The following NEXMIF variants were observed in gnomAD, a reference collection of about 807,000 sequenced individuals.
The protein encoded by NEXMIF is neurite extension and migration factor.
NEXMIF carries 8 observed loss-of-function variants against 62.1 expected under a neutral mutation model. That is an observed-to-expected ratio of 0.13 (90% confidence interval 0.08 to 0.23). NEXMIF has a LOEUF of 0.23. NEXMIF is among the 10% of genes least tolerant of loss of function. The pLI is 1.00. For missense variants in NEXMIF, 976 were observed against 1,113.3 expected (o/e 0.88, Z 1.75); for synonymous variants, 404 against 416.6 (o/e 0.97, Z 0.37).
chrX:74,868,630 G>T (rs1473398544), intron 1 of NEXMIF, among the ~76,000 whole-genome samples: 1 of 104,444 alleles, frequency 9.6e-6, no homozygotes, highest in Admixed American at 1.1e-4. Context: ...CTGTTGGGGG[G>T]TGGGGGGGAA....
At chrX:74,759,940 A>G in intron 1 of NEXMIF, among the ~76,000 whole-genome samples, 1 of 111,751 alleles carries the variant, frequency 8.9e-6, no homozygotes, top group East Asian at 2.8e-4. Context: ...GTCCTTGGTA[A>G]TTTGATAGGA....
intron 1 of NEXMIF, among the ~76,000 whole-genome samples, chrX:74,827,002 G>A (rs1203033059): frequency 9.0e-6 from 1 of 111,694 alleles, no homozygotes; most frequent in African/African-American, 3.3e-5. Context: ...TGCCAAGAAA[G>A]CTAAGTCACA....
At chrX:74,794,458 A>C (rs1233163475) in intron 1 of NEXMIF, among the ~76,000 whole-genome samples, 3 of 110,997 alleles carry the variant, frequency 2.7e-5, no homozygotes, top group Admixed American at 9.5e-5. Context: ...CCAGAGGTGG[A>C]GCCTACAGAG....
At chrX:74,798,959 T>G (rs868396096) in intron 1 of NEXMIF, among the ~76,000 whole-genome samples, 1 of 90,201 alleles carries the variant, frequency 1.1e-5, no homozygotes, top group African/African-American at 4.1e-5. Context: ...GAAAAAGGAA[T>G]AAAGTAAAAA....
Position 74,884,508 on chromosome X carries a change from A to G in NEXMIF, c.-48+40375T>C, listed in dbSNP as rs758984438. On this transcript the variant is annotated intron_variant, in intron 1 of 3. Coordinates refer to ENST00000055682, the MANE Select transcript of NEXMIF (RefSeq NM_001008537.3). ...AGGGGTTGCAATCCTAGTCTCTGATAAAACAAACTTTAAACCAACAAAGAT... is the reference window on the plus strand; with the variant it reads ...AGGGGTTGCAATCCTAGTCTCTGATGAAACAAACTTTAAACCAACAAAGAT... 9.8e-5 allele frequency among the ~76,000 whole-genome samples: 11 copies of G among 111,928 alleles called. No homozygotes were observed. The South Asian group carries it at 4.1e-3, about 42-fold the overall frequency.
intron 1 of NEXMIF, among the ~76,000 whole-genome samples, chrX:74,798,567 C>T (rs1347435095): frequency 8.9e-6 from 1 of 112,224 alleles, no homozygotes; most frequent in Non-Finnish European, 1.9e-5. Flanking sequence ...ACATTTGGGC[C>T]TAGCTACTAT....
chrX:74,901,160 A>T (rs991851257), intron 1 of NEXMIF, among the ~76,000 whole-genome samples: 3 of 112,250 alleles, frequency 2.7e-5, no homozygotes, highest in Non-Finnish European at 1.9e-5. Flanking sequence ...GGTAAATTTT[A>T]TGTGTATTTT....
Position 74,733,685 on chromosome X carries a change from GAAC to G in NEXMIF, c.*5717_*5719del, listed in dbSNP as rs2080078356. On this transcript the variant is annotated 3_prime_UTR_variant, in exon 4 of 4. Coordinates refer to ENST00000055682, the MANE Select transcript of NEXMIF (RefSeq NM_001008537.3). ...CAAATATTTGAAACCTTCGCAACAA[GAAC>G]AACAAAACCAGAAGTGTTACAAGAA... 8.9e-6 allele frequency: 1 copy of G among 112,128 alleles called. No individual in the cohort carries two copies. Among genetic ancestry groups the G allele is most frequent in the Non-Finnish European group, 1.9e-5 (1 of 53,133 alleles). The allele number at this position is 112,128 out of a possible 1,213,427, so 9.2% of individuals were successfully genotyped here.
At chrX:74,846,838 T>G (rs1471335187) in intron 1 of NEXMIF, among the ~76,000 whole-genome samples, 1 of 112,240 alleles carries the variant, frequency 8.9e-6, no homozygotes. Context: ...AACAATGTAC[T>G]AGTGTGTCTT....
In NEXMIF at chrX:74,740,782, C is replaced by T. The variant is rs761368099; in HGVS notation, c.3775G>A (p.Ala1259Thr). ...GGGCCACCATGTTGGATACATTCAG[C>T]CAATGTCTTCCCAGTGGAGGATATG... ...NTISSTGKTL[A>T]ECIQHGGPMA... The change falls in exon 3 of 4, where the codon GCT (alanine) becomes ACT (threonine). Residue 1259 changes from alanine (A) to threonine (T), a missense_variant. Around this residue, in one of 5 missense-constraint regions of NEXMIF, gnomAD observed 639 missense variants for 694.5 expected, o/e 0.92. Coordinates refer to ENST00000055682, the MANE Select transcript of NEXMIF (RefSeq NM_001008537.3). 3.0e-5 allele frequency: 36 copies of T among 1,210,553 alleles called. No homozygotes were observed. The Admixed American group carries it at 5.4e-4, about 18-fold the overall frequency.
At chrX:74,891,453 C>G (rs2080717648) in intron 1 of NEXMIF, among the ~76,000 whole-genome samples, 2 of 111,004 alleles carry the variant, frequency 1.8e-5, no homozygotes, top group Admixed American at 1.9e-4. Context: ...TAAATAATGC[C>G]AAAGTGAAAG....
At chrX:74,858,866 G>A (rs2080544978) in intron 1 of NEXMIF, among the ~76,000 whole-genome samples, 1 of 108,913 alleles carries the variant, frequency 9.2e-6, no homozygotes, top group Admixed American at 9.9e-5. Flanking sequence ...AAAATGCAAT[G>A]GACACACTGA....
intron 1 of NEXMIF, among the ~76,000 whole-genome samples, chrX:74,793,520 A>C (rs992187494): frequency 4.6e-4 from 51 of 110,910 alleles, no homozygotes; most frequent in African/African-American, 1.6e-3. Flanking sequence ...TGAAGGTTGG[A>C]CTGCCTTGCT....
At chrX:74,790,333 A>G (rs1350320607) in intron 1 of NEXMIF, among the ~76,000 whole-genome samples, 12 of 112,738 alleles carry the variant, frequency 1.1e-4, no homozygotes. Flanking sequence ...CCATTGATCT[A>G]TATCTCTGTT....
At chrX:74,802,510 G>T (rs1379836805) in intron 1 of NEXMIF, among the ~76,000 whole-genome samples, 6 of 111,168 alleles carry the variant, frequency 5.4e-5, no homozygotes, top group Non-Finnish European at 9.4e-5. Context: ...TATTGGGCTT[G>T]GGGTGTCTCC....
At chrX:74,754,215 G>C (rs2080152540) in intron 1 of NEXMIF, among the ~76,000 whole-genome samples, 2 of 111,253 alleles carry the variant, frequency 1.8e-5, no homozygotes, top group South Asian at 7.6e-4. Context: ...GCCCACCTCA[G>C]CTTCCCAAAG....
rs764846633 is a variant in NEXMIF, at chrX:74,825,737, T to C, written c.-47-80040A>G. On this transcript the variant is annotated intron_variant, in intron 1 of 3. Coordinates refer to ENST00000055682, the MANE Select transcript of NEXMIF (RefSeq NM_001008537.3). Reference sequence around the variant, plus strand: ...GTCTGGCTAATTTTTGTATTTTTAGTAGAGATGGTGTTTTGCCATGTTGGC... The same window carrying C: ...GTCTGGCTAATTTTTGTATTTTTAGCAGAGATGGTGTTTTGCCATGTTGGC... Among the ~76,000 whole-genome samples the C allele has an allele frequency of 6.2e-5, 7 of 112,068 alleles. No individual in the cohort carries two copies. The Admixed American group carries it at 6.6e-4, about 11-fold the overall frequency.
At chrX:74,862,396 C>T (rs941038896) in intron 1 of NEXMIF, among the ~76,000 whole-genome samples, 3 of 110,268 alleles carry the variant, frequency 2.7e-5, no homozygotes, top group Non-Finnish European at 5.7e-5. Context: ...TAGTGGGAGA[C>T]TTTAACACCC....
chrX:74,780,375 GT>G (rs375080601), intron 1 of NEXMIF, among the ~76,000 whole-genome samples: 1,653 of 96,833 alleles, frequency 0.017, 36 homozygotes, highest in African/African-American at 0.058. Flanking sequence ...CCATCTTACT[GT>G]TTTTTTTTTT....
Sources: gnomAD v4.1 joint callset for allele counts (sites outside exome capture counted in the v4.1 genomes callset) on GRCh38, gnomAD v4.1.1 for gene constraint, gnomAD v4.1.1 regional missense constraint, MANE v1.5 for transcripts, NCBI Gene and HGNC (gene_info 2026-07-23, HGNC 2026-07-21) for gene names.